Variants in CSMD1 observed in about 807,000 individuals in gnomAD.
The protein encoded by CSMD1 is CUB and Sushi multiple domains 1, also known as CUB and sushi domain-containing protein 1.
CSMD1 carries 213 observed loss-of-function variants against 417.5 expected under a neutral mutation model. That is an observed-to-expected ratio of 0.51 (90% CI 0.46 to 0.57). The LOEUF (loss-of-function observed/expected upper bound fraction) is 0.57, where lower values mean the gene tolerates loss of function less well. Among genes scored for constraint, CSMD1 ranks in the 20% least tolerant of loss-of-function variants. The probability of loss-of-function intolerance (pLI) is 0.00; values close to 1 mark genes in which losing one functional copy is unlikely to be tolerated. For synonymous variants in CSMD1, 2,862 were observed against 1,736.8 expected, an observed-to-expected ratio of 1.65 and a Z score of -16.11; for missense variants, 6,923 against 4,529.7, an observed-to-expected ratio of 1.53 and a Z score of -15.17.
intron 1 of CSMD1, among the ~76,000 whole-genome samples, chr8:4,868,417 T>C (rs1802542324): frequency 1.3e-5 from 2 of 152,076 alleles, no homozygotes; most frequent in Middle Eastern, 3.4e-3. Flanking sequence ...GTACTTTTAG[T>C]AGAGACCGGG....
At position 3,627,413 on chromosome 8, in the gene CSMD1, C is replaced by T. The variant is rs184511956; in HGVS notation, c.1010-10616G>A. On this transcript the variant is annotated intron_variant, in intron 7 of 69. Transcript: ENST00000635120. ...TTAAAGAAATCACGGCATATCACCTCGAGTCCTGAAATCACAGACATTAAC... is the reference window on the plus strand; with the variant it reads ...TTAAAGAAATCACGGCATATCACCTTGAGTCCTGAAATCACAGACATTAAC... 1.5e-3 allele frequency among the ~76,000 whole-genome samples: 232 copies of T among 152,240 alleles called. 3 individuals are homozygous for T. Among genetic ancestry groups the T allele is most frequent in the Non-Finnish European group, 5.9e-4 (40 of 68,006 alleles).
At chr8:3,761,354 A>G (rs1396983590) in intron 5 of CSMD1, among the ~76,000 whole-genome samples, 1 of 152,192 alleles carries the variant, frequency 6.6e-6, no homozygotes, top group Non-Finnish European at 1.5e-5. Flanking sequence ...CTAGAAATTT[A>G]ATTCAAAAGT....
chr8:4,737,474 G>C (rs1753584207), intron 1 of CSMD1, among the ~76,000 whole-genome samples: 1 of 151,886 alleles, frequency 6.6e-6, no homozygotes, highest in Non-Finnish European at 1.5e-5. Context: ...ACCTGCACCT[G>C]TACCCCTGAA....
At chr8:3,117,794 C>A (rs1407127468) in intron 42 of CSMD1, among the ~76,000 whole-genome samples, 2 of 152,102 alleles carry the variant, frequency 1.3e-5, no homozygotes, top group African/African-American at 4.8e-5. Context: ...CCGTAGAGCC[C>A]CTCTTGCACT....
At chr8:3,385,535 A>G (rs1810954907) in intron 18 of CSMD1, among the ~76,000 whole-genome samples, 1 of 152,036 alleles carries the variant, frequency 6.6e-6, no homozygotes, top group Admixed American at 6.6e-5. Context: ...AGGATCTTCA[A>G]AGCAATGTTA....
chr8:4,346,082 A>T (rs142730000), intron 3 of CSMD1, among the ~76,000 whole-genome samples: 30 of 152,284 alleles, frequency 2.0e-4, no homozygotes, highest in Non-Finnish European at 4.4e-5. Flanking sequence ...TGTGAATACG[A>T]AAGTACTACA....
At chr8:4,309,657 G>A (rs1032480341) in intron 3 of CSMD1, among the ~76,000 whole-genome samples, 9 of 152,028 alleles carry the variant, frequency 5.9e-5, no homozygotes, top group African/African-American at 2.2e-4. Flanking sequence ...AAATTAGACC[G>A]TATTTGAGCA....
intron 7 of CSMD1, among the ~76,000 whole-genome samples, chr8:3,658,927 C>G (rs1290380232): frequency 2.0e-5 from 3 of 152,112 alleles, no homozygotes; most frequent in Non-Finnish European, 4.4e-5. Context: ...CTTGACCTAC[C>G]AAATAATGCA....
intron 1 of CSMD1, among the ~76,000 whole-genome samples, chr8:4,858,061 C>T (rs967454542): frequency 6.6e-6 from 1 of 152,064 alleles, no homozygotes; most frequent in Non-Finnish European, 1.5e-5. Flanking sequence ...AAAAGCTTAT[C>T]CACCATGATC....
intron 4 of CSMD1, among the ~76,000 whole-genome samples, chr8:4,012,590 G>A (rs972123660): frequency 1.3e-5 from 2 of 152,176 alleles, no homozygotes. Flanking sequence ...CCTCCCCTCA[G>A]TAGGCCTCAG....
intron 5 of CSMD1, among the ~76,000 whole-genome samples, chr8:3,898,736 T>A (rs1247850502): frequency 3.3e-5 from 5 of 152,180 alleles, no homozygotes; most frequent in Non-Finnish European, 7.3e-5. Flanking sequence ...AAAATCCTAC[T>A]TTTCTGCTAT....
At chr8:4,124,465 G>A (rs1344719116) in intron 3 of CSMD1, among the ~76,000 whole-genome samples, 1 of 152,188 alleles carries the variant, frequency 6.6e-6, no homozygotes, top group Non-Finnish European at 1.5e-5. Context: ...GATGGCCACT[G>A]TGGACTTCTC....
chr8:4,503,241 A>G (rs1802350362), intron 2 of CSMD1, among the ~76,000 whole-genome samples: 1 of 152,126 alleles, frequency 6.6e-6, no homozygotes, highest in Non-Finnish European at 1.5e-5. Context: ...AGTGTCTATG[A>G]TCATTGCACT....
chr8:3,776,805 G>GATATATATATATATATATATATAT lies in CSMD1; in HGVS notation c.819-22764_819-22763insATATATATATATATATATATATAT, dbSNP rs1411200186. Among the ~76,000 whole-genome samples, 70 of 96,750 alleles carry GATATATATATATATATATATATAT rather than the reference G, an allele frequency of 7.2e-4. 1 individual carries two copies. Among genetic ancestry groups the GATATATATATATATATATATATAT allele is most frequent in the African/African-American group, 3.2e-3 (64 of 20,300 alleles). 63.5% of individuals were successfully genotyped at this position (96,750 alleles called of 152,430 possible). ...CAGTGATAGATAGTGACATATAGAC[G>GATATATATATATATATATATATAT]AGATATATATATATATATACAGATG... On this transcript the variant is annotated intron_variant, in intron 5 of 69. Transcript: ENST00000635120.
At chr8:3,319,639 A>G (rs987943313) in intron 23 of CSMD1, among the ~76,000 whole-genome samples, 1 of 152,176 alleles carries the variant, frequency 6.6e-6, no homozygotes, top group African/African-American at 2.4e-5. Context: ...ATTGAATTAT[A>G]TGATTATTTT....
At chr8:3,529,486 T>A (rs1797889063) in intron 10 of CSMD1, among the ~76,000 whole-genome samples, 1 of 152,188 alleles carries the variant, frequency 6.6e-6, no homozygotes, top group African/African-American at 2.4e-5. Flanking sequence ...GAAATTGGGA[T>A]TATGTGACTC....
In CSMD1 at chr8:4,041,056, G is replaced by A. The variant is rs374895702; in HGVS notation, c.416-8957C>T. Among the ~76,000 whole-genome samples the A allele has an allele frequency of 1.4e-3, 175 of 123,778 alleles. 1 individual carries two copies. The highest frequency in any genetic ancestry group is 5.4e-3 in the African/African-American group (165 of 30,438). The allele number at this position is 123,778 out of a possible 152,430, so 81.2% of individuals were successfully genotyped here. ...TTTTGAGACGGAGTCTCGCTCTGTC[G>A]CCCAGGCTGGAGTGCAGTGGCGCGA... On this transcript the variant is annotated intron_variant, in intron 3 of 69. Coordinates refer to ENST00000635120, the MANE Select transcript of CSMD1 (RefSeq NM_033225.6).
intron 3 of CSMD1, among the ~76,000 whole-genome samples, chr8:4,198,886 A>C (rs1456958319): frequency 6.6e-6 from 1 of 152,070 alleles, no homozygotes; most frequent in Non-Finnish European, 1.5e-5. Context: ...CTTTTAATTT[A>C]ATTAAAACTA....
chr8:4,419,996 T>C lies in CSMD1; in HGVS notation c.372A>G (p.Thr124=). The C allele has an allele frequency of 6.3e-7, 1 of 1,589,872 alleles. No individual in the cohort carries two copies. The highest frequency in any genetic ancestry group is 8.6e-7 in the Non-Finnish European group (1 of 1,167,200). The change falls in exon 3 of 70, where the codon ACA becomes ACG. Residue 124 remains threonine (T), a synonymous_variant. Transcript: ENST00000635120. The part of the protein sequence containing the change: ...TGSILTLWFT[T]DFAVSAQGFK... ...AACCTTGGGCACTCACAGCGAAGTC[T>C]GTCGTGAACCACAGAGTGAGGATAG...
Sources: allele counts gnomAD v4.1 joint callset (sites outside exome capture counted in the v4.1 genomes callset), GRCh38; gene constraint gnomAD v4.1.1; transcripts MANE v1.5; gene names NCBI Gene and HGNC (gene_info 2026-07-23, HGNC 2026-07-21).